Variants in EPS15 observed in about 807,000 individuals in gnomAD.
The protein encoded by EPS15 is epidermal growth factor receptor pathway substrate 15, also known as epidermal growth factor receptor substrate 15.
A neutral mutation model predicts 113.8 loss-of-function variants in EPS15; 72 were observed. The observed-to-expected ratio is 0.63, with a 90% CI of 0.52 to 0.77. The LOEUF is 0.77. Among genes scored for constraint, EPS15 ranks in the 30% least tolerant of loss-of-function variants. EPS15 has a pLI of 0.00. For synonymous variants in EPS15, 344 were observed against 363.4 expected (o/e 0.95, Z 0.61); for missense variants, 1,048 against 1,045.8 (o/e 1.00, Z -0.03).
chr1:51,396,878 ATCTT>A (rs1302730956), intron 20 of EPS15, among the ~76,000 whole-genome samples: 1 of 151,142 alleles, frequency 6.6e-6, no homozygotes, highest in African/African-American at 2.4e-5. Flanking sequence ...AACTTAATCT[ATCTT>A]TTTTTTTTTT....
intron 21 of EPS15, among the ~76,000 whole-genome samples, chr1:51,379,252 T>C (rs1646877847): frequency 6.6e-6 from 1 of 152,180 alleles, no homozygotes; most frequent in Middle Eastern, 3.2e-3. Flanking sequence ...CTGGAGTAGC[T>C]AGGACTACAG....
chr1:51,491,295 G>A (rs1057487997), intron 1 of EPS15, among the ~76,000 whole-genome samples: 6 of 152,086 alleles, frequency 3.9e-5, no homozygotes, highest in African/African-American at 1.4e-4. Flanking sequence ...CAAGAGGGCT[G>A]AGAAATCAGA....
At chr1:51,406,152 A>T in intron 15 of EPS15, 44 bp from the exon 16 acceptor site, 1 of 1,549,618 alleles carries the variant, frequency 6.5e-7, no homozygotes, top group South Asian at 1.1e-5. Context: ...TTATTACTAG[A>T]AAGACATGTA....
intron 1 of EPS15, among the ~76,000 whole-genome samples, chr1:51,485,175 C>T (rs528605554): frequency 6.6e-6 from 1 of 152,144 alleles, no homozygotes; most frequent in Non-Finnish European, 1.5e-5. Flanking sequence ...CAGCTTCAAA[C>T]GTCAACATTT....
chr1:51,381,009 C>T (rs1259523169), intron 21 of EPS15, among the ~76,000 whole-genome samples: 1 of 152,116 alleles, frequency 6.6e-6, no homozygotes, highest in Non-Finnish European at 1.5e-5. Flanking sequence ...AACATACATG[C>T]ACCAAACATG....
rs537916848 is a variant in EPS15, at chr1:51,402,169, C to CACATACAT, written c.1882+258_1882+265dup. Among the ~76,000 whole-genome samples the CACATACAT allele has an allele frequency of 3.3e-3, 504 of 150,614 alleles. 1 individual carries two copies. Among genetic ancestry groups the CACATACAT allele is most frequent in the African/African-American group, 0.012 (484 of 40,876 alleles). ...TTAATTACATAAATAAATAAATACA[C>CACATACAT]ACATACATACATACATACATACATA... On this transcript the variant is annotated intron_variant, in intron 18 of 24. Transcript: ENST00000371733.
chr1:51,423,866 A>G, intron 12 of EPS15: 1 of 246,240 alleles, frequency 4.1e-6, no homozygotes, highest in South Asian at 1.5e-4. Context: ...AACACAGTCT[A>G]TGTTTGGGTA....
In EPS15 at chr1:51,470,369, G is replaced by T. The variant is rs186072312; in HGVS notation, c.213+1321C>A. The stretch of plus-strand genomic sequence containing the variant: ...ATGCTAACTTAAAAATCTGGGCCAG[G>T]CACGGTGGCTCACGCCTGTAATCCC... On this transcript the variant is annotated intron_variant, in intron 4 of 24. Transcript: ENST00000371733. Among the ~76,000 whole-genome samples the T allele has an allele frequency of 1.5e-4, 23 of 152,216 alleles. 1 individual carries two copies. The highest frequency in any genetic ancestry group is 2.2e-4 in the African/African-American group (9 of 41,514).
At chr1:51,357,599 T>G (rs1249161913) in intron 24 of EPS15, among the ~76,000 whole-genome samples, 2 of 149,870 alleles carry the variant, frequency 1.3e-5, no homozygotes, top group Non-Finnish European at 3.0e-5. Flanking sequence ...ACAAATCATT[T>G]TTAATTTAAT....
At position 51,401,006 on chromosome 1, in the gene EPS15, C is replaced by T; in HGVS notation, c.1883-53G>A. 4 of 1,161,720 alleles carry T rather than the reference C, an allele frequency of 3.4e-6. No homozygotes were observed. In the South Asian group the frequency reaches 5.6e-5, roughly 16 times the overall value. The allele number at this position is 1,161,720 out of a possible 1,614,324, so 72.0% of individuals were successfully genotyped here. On this transcript the variant is annotated intron_variant, in intron 18 of 24. Transcript: ENST00000371733. ...CAAATAACAATATTTACTGTGGTGA[C>T]ACCACTACTTAAAGAGTAACTTTCA...
intron 23 of EPS15, among the ~76,000 whole-genome samples, chr1:51,362,345 C>A (rs1226753114): frequency 6.6e-6 from 1 of 152,134 alleles, no homozygotes; most frequent in Non-Finnish European, 1.5e-5. Context: ...GAAACAGAAC[C>A]CAGATATTTA....
At chr1:51,413,281 T>C (rs1329670238) in intron 13 of EPS15, among the ~76,000 whole-genome samples, 1 of 152,222 alleles carries the variant, frequency 6.6e-6, no homozygotes, top group Non-Finnish European at 1.5e-5. Context: ...GCTCAAACTC[T>C]ACTGTTTGTT....
intron 21 of EPS15, among the ~76,000 whole-genome samples, chr1:51,378,864 T>C (rs1032798342): frequency 6.6e-6 from 1 of 151,942 alleles, no homozygotes; most frequent in Admixed American, 6.6e-5. Flanking sequence ...AAAAGAACAA[T>C]GGAGACACCC....
intron 15 of EPS15, among the ~76,000 whole-genome samples, chr1:51,407,770 GC>G (rs1429684048): frequency 6.6e-6 from 1 of 152,214 alleles, no homozygotes; most frequent in Non-Finnish European, 1.5e-5. Context: ...TACAGGTTTT[GC>G]CTCATTAATC....
At chr1:51,467,982 A>G (rs1300608979) in intron 5 of EPS15, among the ~76,000 whole-genome samples, 4 of 152,088 alleles carry the variant, frequency 2.6e-5, no homozygotes, top group African/African-American at 7.2e-5. Flanking sequence ...TTTTTAAGAC[A>G]GGGTCTTAAA....
chr1:51,502,522 T>C (rs746429626), intron 1 of EPS15, among the ~76,000 whole-genome samples: 14 of 152,004 alleles, frequency 9.2e-5, no homozygotes, highest in Admixed American at 2.0e-4. Context: ...AGAAATAGCA[T>C]CTAGATTGGG....
intron 3 of EPS15, 110 bp downstream of exon 3, chr1:51,472,749 G>A (rs992377323): frequency 2.4e-5 from 18 of 748,408 alleles, no homozygotes; most frequent in Admixed American, 2.0e-4. Context: ...TCTATGACTC[G>A]GTTCTAACTT....
At chr1:51,434,469 T>C (rs1651978678) in intron 12 of EPS15, among the ~76,000 whole-genome samples, 1 of 152,188 alleles carries the variant, frequency 6.6e-6, no homozygotes, top group South Asian at 2.1e-4. Context: ...CTCACGATTC[T>C]GCTTATATGA....
intron 24 of EPS15, among the ~76,000 whole-genome samples, chr1:51,359,115 G>A (rs1646315139): frequency 6.6e-6 from 1 of 152,040 alleles, no homozygotes; most frequent in Non-Finnish European, 1.5e-5. Context: ...GCCAATTTTT[G>A]ATTCTCTGCT....
Sources: gnomAD v4.1 joint callset for allele counts (sites outside exome capture counted in the v4.1 genomes callset) on GRCh38, gnomAD v4.1.1 for gene constraint, MANE v1.5 for transcripts, NCBI Gene and HGNC (gene_info 2026-07-23, HGNC 2026-07-21) for gene names.